TMEM163: variants seen among roughly 807,000 people sequenced by gnomAD.
TMEM163 encodes the protein transmembrane protein 163.
A neutral mutation model predicts 29.3 loss-of-function variants in TMEM163; 17 were observed. The observed-to-expected ratio is 0.58, with a 90% CI of 0.40 to 0.87. TMEM163 has a LOEUF of 0.87. Ranked by LOEUF, TMEM163 falls within the 40% of genes least tolerant of loss-of-function variation. The pLI, the probability that TMEM163 is intolerant of heterozygous loss-of-function variation, is 0.00. For missense variants in TMEM163, 303 were observed against 381.5 expected (o/e 0.79, Z 1.71); for synonymous variants, 157 against 160.6 (o/e 0.98, Z 0.17).
chr2:134,517,472 C>T (rs146517824), intron 4 of TMEM163, among the ~76,000 whole-genome samples: 2 of 152,128 alleles, frequency 1.3e-5, no homozygotes, highest in South Asian at 2.1e-4. Context: ...TGAGGCTTGC[C>T]GCGTAGACAA....
intron 2 of TMEM163, among the ~76,000 whole-genome samples, chr2:134,559,356 A>AT (rs142535265): frequency 0.052 from 7,953 of 152,112 alleles, 727 homozygotes; most frequent in African/African-American, 0.18. Context: ...CTAAATATTC[A>AT]TTTTGCTGTA....
intron 4 of TMEM163, among the ~76,000 whole-genome samples, chr2:134,523,348 A>G (rs1461966906): frequency 2.0e-5 from 3 of 152,184 alleles, no homozygotes; most frequent in Non-Finnish European, 4.4e-5. Context: ...AGCTTGTTAA[A>G]AGGTCACATG....
chr2:134,672,871 T>G (rs1684022892), intron 2 of TMEM163, among the ~76,000 whole-genome samples: 1 of 152,176 alleles, frequency 6.6e-6, no homozygotes, highest in South Asian at 2.1e-4. Context: ...TCAGTCCCAA[T>G]GCTCTGCTCC....
At chr2:134,574,776 C>T (rs1383021508) in intron 2 of TMEM163, among the ~76,000 whole-genome samples, 1 of 152,146 alleles carries the variant, frequency 6.6e-6, no homozygotes, top group Non-Finnish European at 1.5e-5. Flanking sequence ...AAGGAAGGAG[C>T]AGACTGCCAG....
chr2:134,457,900 TGGTCAG>T, intron 7 of TMEM163, 126 bp downstream of exon 7: 1 of 1,428,730 alleles, frequency 7.0e-7, no homozygotes, highest in Non-Finnish European at 9.6e-7. Flanking sequence ...CACCTGACAC[TGGTCAG>T]GCTCAGGAGG....
At chr2:134,569,590 C>G (rs1480128319) in intron 2 of TMEM163, among the ~76,000 whole-genome samples, 1 of 152,064 alleles carries the variant, frequency 6.6e-6, no homozygotes, top group African/African-American at 2.4e-5. Flanking sequence ...TGGCCCAGAT[C>G]GAACCTCTAA....
At chr2:134,600,716 A>G (rs914294811) in intron 2 of TMEM163, among the ~76,000 whole-genome samples, 21 of 152,182 alleles carry the variant, frequency 1.4e-4, no homozygotes, top group African/African-American at 4.6e-4. Context: ...TACTCATCTA[A>G]GTTGCTCCTT....
intron 5 of TMEM163, among the ~76,000 whole-genome samples, chr2:134,481,377 TGGG>T (rs61620015): frequency 2.8e-4 from 38 of 136,448 alleles, no homozygotes; most frequent in African/African-American, 1.0e-3. Flanking sequence ...AATTGAATCA[TGGG>T]GGGGGGGGGA....
In TMEM163 at chr2:134,494,823, C is replaced by T. The variant is rs906979532; in HGVS notation, c.555+8078G>A. Among the ~76,000 whole-genome samples, 3 of 152,192 alleles carry T rather than the reference C, an allele frequency of 2.0e-5. No homozygotes were observed. The East Asian group carries it at 5.8e-4, about 29-fold the overall frequency. On this transcript the variant is annotated intron_variant, in intron 5 of 7. Transcript: ENST00000281924. ...GCTGTCTCCTGGGCATCCTTAACCC[C>T]TATGCTCCGGGTCCCCCAGGCACTC...
intron 4 of TMEM163, among the ~76,000 whole-genome samples, chr2:134,507,993 C>A (rs562909400): frequency 2.6e-4 from 40 of 152,096 alleles, no homozygotes; most frequent in Non-Finnish European, 4.9e-4. Flanking sequence ...GCTAAAGGAT[C>A]CAAATTGCTA....
intron 2 of TMEM163, among the ~76,000 whole-genome samples, chr2:134,603,863 A>C (rs2104811875): frequency 4.3e-5 from 6 of 138,116 alleles, no homozygotes; most frequent in South Asian, 5.6e-4. Context: ...AGGGGAGGGA[A>C]CAGAAGGGAG....
intron 2 of TMEM163, among the ~76,000 whole-genome samples, chr2:134,707,742 T>A (rs1365200209): frequency 2.0e-5 from 3 of 152,002 alleles, no homozygotes; most frequent in Non-Finnish European, 4.4e-5. Context: ...GCGCCTGCAG[T>A]TGGTGAGGCC....
At chr2:134,599,800 T>G (rs1411454259) in intron 2 of TMEM163, among the ~76,000 whole-genome samples, 1 of 151,834 alleles carries the variant, frequency 6.6e-6, no homozygotes, top group Admixed American at 6.6e-5. Flanking sequence ...CCCAGAGTGT[T>G]GAGATTACAG....
At chr2:134,641,283 G>A (rs1216924587) in intron 2 of TMEM163, among the ~76,000 whole-genome samples, 4 of 152,122 alleles carry the variant, frequency 2.6e-5, no homozygotes, top group Non-Finnish European at 4.4e-5. Context: ...CTGAATAGTC[G>A]ACTGTAAGAA....
At chr2:134,508,425 G>A (rs1305825816) in intron 4 of TMEM163, among the ~76,000 whole-genome samples, 1 of 152,252 alleles carries the variant, frequency 6.6e-6, no homozygotes, top group Non-Finnish European at 1.5e-5. Context: ...AGTGGTGTGA[G>A]CATATAACAC....
intron 4 of TMEM163, among the ~76,000 whole-genome samples, chr2:134,531,438 G>T (rs1370989782): frequency 6.6e-6 from 1 of 152,180 alleles, no homozygotes; most frequent in African/African-American, 2.4e-5. Context: ...GATCCCACAA[G>T]GTGAGGGCTC....
intron 2 of TMEM163, among the ~76,000 whole-genome samples, chr2:134,640,992 T>C (rs1256677276): frequency 1.3e-5 from 2 of 152,216 alleles, no homozygotes; most frequent in Non-Finnish European, 2.9e-5. Context: ...TGTGTAAACA[T>C]ACTACAAACA....
intron 4 of TMEM163, among the ~76,000 whole-genome samples, chr2:134,534,258 T>C (rs1680479196): frequency 1.6e-5 from 2 of 125,242 alleles, no homozygotes; most frequent in Non-Finnish European, 3.4e-5. Flanking sequence ...CTCTGATTGA[T>C]AAAACTGGAC....
chr2:134,496,665 T>A (rs1574178231), intron 5 of TMEM163, among the ~76,000 whole-genome samples: 1 of 152,078 alleles, frequency 6.6e-6, no homozygotes, highest in East Asian at 1.9e-4. Flanking sequence ...TTGGTTCTAG[T>A]GAATGGGAAG....
Sources: gnomAD v4.1 joint callset for allele counts (sites outside exome capture counted in the v4.1 genomes callset) on GRCh38, gnomAD v4.1.1 for gene constraint, MANE v1.5 for transcripts, NCBI Gene and HGNC (gene_info 2026-07-23, HGNC 2026-07-21) for gene names.